The following HAPLN1 variants were observed in gnomAD, a reference collection of about 807,000 sequenced individuals.
HAPLN1 encodes Cartilage link protein.
In HAPLN1, 13 loss-of-function variants were observed where a neutral mutation model predicts 36.5. The ratio of observed to expected loss-of-function variants is 0.36; its 90% CI spans 0.23 to 0.57. HAPLN1 has a LOEUF of 0.57. Ranked by LOEUF, HAPLN1 falls within the 20% of genes least tolerant of loss-of-function variation. The pLI is 0.83. For missense variants in HAPLN1, 407 were observed against 439.7 expected (o/e 0.93, Z 0.66); for synonymous variants, 202 against 169.8 (o/e 1.19, Z -1.48).
At position 83,641,724 on chromosome 5, in the gene HAPLN1, A is replaced by G. The variant is rs1284343001; in HGVS notation, c.837T>C (p.Cys279=). Residue 279 remains cysteine (C), a synonymous_variant, in exon 5 of 5, where the codon TGT becomes TGC. Coordinates refer to ENST00000274341, the MANE Select transcript of HAPLN1 (RefSeq NM_001884.4). The part of the protein sequence containing the change: ...KLTYDEAVQA[C]LNDGAQIAKV... ...TTGCAATCTGAGCACCATCATTGAGACAAGCTTGCACCGCTTCATCATAGG... is the reference window on the plus strand; with the variant it reads ...TTGCAATCTGAGCACCATCATTGAGGCAAGCTTGCACCGCTTCATCATAGG... 3 of 1,614,144 alleles carry G rather than the reference A, an allele frequency of 1.9e-6. No individual in the cohort carries two copies. Among genetic ancestry groups the G allele is most frequent in the South Asian group, 2.2e-5 (2 of 91,084 alleles).
chr5:83,644,916 C>T (rs1749811648), intron 3 of HAPLN1, among the ~76,000 whole-genome samples: 1 of 152,154 alleles, frequency 6.6e-6, no homozygotes, highest in African/African-American at 2.4e-5. Flanking sequence ...CAACTCAAGT[C>T]TTAAAATTCT....
Position 83,673,568 on chromosome 5 carries a change from C to CA in HAPLN1, c.-26-20dup, listed in dbSNP as rs1410390579. On this transcript the variant is annotated intron_variant, in intron 1 of 4. Coordinates refer to ENST00000274341, the MANE Select transcript of HAPLN1 (RefSeq NM_001884.4). Reference sequence around the variant, plus strand: ...TTCTTCACTGCGAGAGCATCACATACAAAGAGGCTTGTGAGATTTGGAACC... The same window carrying CA: ...TTCTTCACTGCGAGAGCATCACATACAAAAGAGGCTTGTGAGATTTGGAACC... The CA allele has an allele frequency of 7.1e-7, 1 of 1,403,276 alleles. No homozygotes were observed. Among genetic ancestry groups the CA allele is most frequent in the South Asian group, 1.2e-5 (1 of 86,542 alleles). 86.9% of individuals were successfully genotyped at this position (1,403,276 alleles called of 1,614,324 possible). A position where few individuals can be genotyped will look rare whatever the true frequency, so the allele number is the denominator to read the frequency against.
At chr5:83,660,994 T>G (rs1750369477) in intron 2 of HAPLN1, among the ~76,000 whole-genome samples, 1 of 152,142 alleles carries the variant, frequency 6.6e-6, no homozygotes, top group Admixed American at 6.5e-5. Context: ...AGCGTCTATC[T>G]TCTACACTGT....
At chr5:83,664,321 A>G (rs1466383808) in intron 2 of HAPLN1, among the ~76,000 whole-genome samples, 1 of 146,126 alleles carries the variant, frequency 6.8e-6, no homozygotes, top group African/African-American at 2.5e-5. Context: ...CCTCAATGGC[A>G]AACGAACGCC....
chr5:83,715,236 T>C (rs957259567), intron 1 of HAPLN1, among the ~76,000 whole-genome samples: 6 of 152,238 alleles, frequency 3.9e-5, no homozygotes, highest in Admixed American at 6.5e-5. Flanking sequence ...AAATTGTAAA[T>C]GCATGAGTGA....
intron 1 of HAPLN1, among the ~76,000 whole-genome samples, chr5:83,711,308 T>TA (rs1428869827): frequency 6.6e-6 from 1 of 152,196 alleles, no homozygotes; most frequent in Non-Finnish European, 1.5e-5. Context: ...GCATGAAAGA[T>TA]ACAGCTGACA....
chr5:83,699,001 A>G (rs1289794843), intron 1 of HAPLN1, among the ~76,000 whole-genome samples: 1 of 152,188 alleles, frequency 6.6e-6, no homozygotes, highest in Non-Finnish European at 1.5e-5. Context: ...GCTATTTTAA[A>G]TTTTTAAAAA....
At chr5:83,715,111 G>T (rs1751888136) in intron 1 of HAPLN1, among the ~76,000 whole-genome samples, 3 of 152,306 alleles carry the variant, frequency 2.0e-5, no homozygotes, top group South Asian at 2.1e-4. Context: ...TGAAGACCTT[G>T]GGGGATTCAA....
chr5:83,720,380 A>G (rs1751993527), intron 1 of HAPLN1, among the ~76,000 whole-genome samples: 1 of 152,208 alleles, frequency 6.6e-6, no homozygotes, highest in Non-Finnish European at 1.5e-5. Flanking sequence ...AACAAAATTC[A>G]TAAGCCTGGC....
At chr5:83,661,497 T>C (rs1272524380) in intron 2 of HAPLN1, among the ~76,000 whole-genome samples, 1 of 127,442 alleles carries the variant, frequency 7.8e-6, no homozygotes, top group East Asian at 2.4e-4. Context: ...AAGGCCGGAG[T>C]GCAGTGGCGC....
Position 83,700,116 on chromosome 5 carries a change from C to T in HAPLN1, c.-27+20673G>A, listed in dbSNP as rs181080873. ...GGCTGAGGCAGGAGAATCACTTTAA[C>T]CCAGGAGGCGGAGGTTACAGTGAGC... On this transcript the variant is annotated intron_variant, in intron 1 of 4. Coordinates refer to ENST00000274341, the MANE Select transcript of HAPLN1 (RefSeq NM_001884.4). Among the ~76,000 whole-genome samples, 121 of 151,418 alleles carry T rather than the reference C, an allele frequency of 8.0e-4. 2 individuals are homozygous for T. The Middle Eastern group carries it at 0.024, about 30-fold the overall frequency.
intron 2 of HAPLN1, among the ~76,000 whole-genome samples, chr5:83,659,263 G>T (rs1383074058): frequency 1.4e-5 from 2 of 145,684 alleles, no homozygotes; most frequent in African/African-American, 5.2e-5. Context: ...GACAGAGCGA[G>T]ACTTCATCTT....
intron 1 of HAPLN1, among the ~76,000 whole-genome samples, chr5:83,706,117 A>C (rs979933164): frequency 6.6e-6 from 1 of 151,478 alleles, no homozygotes; most frequent in Non-Finnish European, 1.5e-5. Flanking sequence ...AAAAAAAAAA[A>C]ACAAAAGCCC....
At chr5:83,701,599 A>C (rs1751507156) in intron 1 of HAPLN1, among the ~76,000 whole-genome samples, 1 of 152,186 alleles carries the variant, frequency 6.6e-6, no homozygotes, top group Non-Finnish European at 1.5e-5. Flanking sequence ...AGACACTATA[A>C]ATAAATAAAA....
chr5:83,685,529 AT>A (rs1157016298), intron 1 of HAPLN1, among the ~76,000 whole-genome samples: 1 of 152,234 alleles, frequency 6.6e-6, no homozygotes, highest in Non-Finnish European at 1.5e-5. Context: ...AAATCATTTG[AT>A]TCTCAAACTA....
intron 3 of HAPLN1, among the ~76,000 whole-genome samples, chr5:83,649,024 G>C (rs1163806657): frequency 6.6e-6 from 1 of 151,880 alleles, no homozygotes; most frequent in East Asian, 1.9e-4. Flanking sequence ...AATTTACTTT[G>C]AAATATCAAT....
intron 1 of HAPLN1, among the ~76,000 whole-genome samples, chr5:83,705,387 C>CAAAAAAAAAAAAAAAAAA (rs762927081): frequency 1.2e-5 from 1 of 85,424 alleles, no homozygotes; most frequent in Non-Finnish European, 2.2e-5. Context: ...TGAAACGTCA[C>CAAAAAAAAAAAAAAAAAA]AAAAAAAAAA....
At chr5:83,716,158 T>G (rs997373421) in intron 1 of HAPLN1, among the ~76,000 whole-genome samples, 3 of 152,156 alleles carry the variant, frequency 2.0e-5, no homozygotes, top group Non-Finnish European at 4.4e-5. Context: ...CCAAGGAATA[T>G]CCATAAGACT....
intron 1 of HAPLN1, among the ~76,000 whole-genome samples, chr5:83,711,559 T>A (rs1003126369): frequency 6.6e-6 from 1 of 152,120 alleles, no homozygotes; most frequent in Non-Finnish European, 1.5e-5. Context: ...GTAGGAGGAA[T>A]GAAGAAAATC....
Sources: allele counts gnomAD v4.1 joint callset (sites outside exome capture counted in the v4.1 genomes callset), GRCh38; gene constraint gnomAD v4.1.1; transcripts MANE v1.5; gene names NCBI Gene and HGNC (gene_info 2026-07-23, HGNC 2026-07-21).